Variants in DAO observed in about 807,000 individuals in gnomAD.
DAO encodes D-amino acid oxidase.
DAO carries 51 observed loss-of-function variants against 50.1 expected under a neutral mutation model. That is an observed-to-expected ratio of 1.02 (90% CI 0.81 to 1.29). DAO has a LOEUF of 1.29. DAO is among the 50% of genes most tolerant of loss of function. The pLI, the probability that DAO is intolerant of heterozygous loss-of-function variation, is 0.00. For missense variants in DAO, 436 were observed against 439.4 expected, an observed-to-expected ratio of 0.99 and a Z score of 0.07; for synonymous variants, 160 against 166.2, an observed-to-expected ratio of 0.96 and a Z score of 0.29.
At chr12:108,900,324 T>C in intron 10 of DAO, 80 bp from the exon 11 acceptor site, 1 of 1,569,750 alleles carries the variant, frequency 6.4e-7, no homozygotes, top group Non-Finnish European at 8.7e-7. Context: ...GGCTCCTGAG[T>C]CTTCCAGGGC....
intron 7 of DAO, among the ~76,000 whole-genome samples, 191 bp downstream of exon 7, chr12:108,894,558 C>T (rs1410998396): frequency 2.0e-5 from 3 of 152,082 alleles, no homozygotes; most frequent in East Asian, 1.9e-4. Flanking sequence ...TCCTCTTGAT[C>T]GTGAAGCATG....
intron 1 of DAO, among the ~76,000 whole-genome samples, chr12:108,884,701 T>G (rs1016659570): frequency 6.6e-6 from 1 of 152,058 alleles, no homozygotes; most frequent in Non-Finnish European, 1.5e-5. Context: ...CTGCTGGGTC[T>G]TTTCTATTCC....
intron 1 of DAO, among the ~76,000 whole-genome samples, chr12:108,881,774 T>A (rs889250812): frequency 2.6e-4 from 40 of 151,662 alleles, no homozygotes; most frequent in Admixed American, 5.3e-4. Flanking sequence ...CAAGCTAATT[T>A]TTTTGTATTT....
At chr12:108,895,870 A>T (rs971288659) in intron 7 of DAO, among the ~76,000 whole-genome samples, 2 of 151,830 alleles carry the variant, frequency 1.3e-5, no homozygotes, top group Non-Finnish European at 2.9e-5. Flanking sequence ...ATGTGGGCTG[A>T]TGGGTGTAAC....
chr12:108,899,779 A>G (rs1230395065), intron 10 of DAO: 1 of 447,038 alleles, frequency 2.2e-6, no homozygotes, highest in East Asian at 4.6e-5. Flanking sequence ...AAATGACACT[A>G]TCAAGTATGT....
intron 1 of DAO, among the ~76,000 whole-genome samples, chr12:108,881,857 C>T (rs1262766950): frequency 1.3e-5 from 2 of 152,020 alleles, no homozygotes; most frequent in East Asian, 1.9e-4. Flanking sequence ...CTGCCAGCCT[C>T]GACCTCCCAA....
At chr12:108,895,403 GTGTGTGTGCA>G (rs2039539492) in intron 7 of DAO, among the ~76,000 whole-genome samples, 1 of 150,126 alleles carries the variant, frequency 6.7e-6, no homozygotes, top group Non-Finnish European at 1.5e-5. Context: ...ATATGTGAGG[GTGTGTGTGCA>G]TGTGTGTGAG....
At position 108,895,068 on chromosome 12, in the gene DAO, C is replaced by T. The variant is rs557843088; in HGVS notation, c.612+701C>T. On this transcript the variant is annotated intron_variant, in intron 7 of 10. Transcript: ENST00000228476. ...CACAGCCCTTCGAGCTGGGTACTAC[C>T]ATATCGTTATTGTCATCTTACAGAT... Among the ~76,000 whole-genome samples the T allele has an allele frequency of 8.5e-4, 129 of 152,292 alleles. 4 individuals carry two copies. Among genetic ancestry groups the T allele is most frequent in the Middle Eastern group, 3.4e-3 (1 of 292 alleles).
chr12:108,893,210 G>T (rs537841924), intron 6 of DAO, among the ~76,000 whole-genome samples, 174 bp downstream of exon 6: 1 of 152,132 alleles, frequency 6.6e-6, no homozygotes, highest in Non-Finnish European at 1.5e-5. Context: ...CTGCCTTCAT[G>T]TTGGTAGTGG....
intron 8 of DAO, among the ~76,000 whole-genome samples, chr12:108,897,934 G>A (rs894830927): frequency 4.1e-5 from 6 of 147,728 alleles, no homozygotes; most frequent in Non-Finnish European, 8.9e-5. Flanking sequence ...GCCACAGAGC[G>A]AGACCCCATC....
chr12:108,892,189 G>A (rs1329405490), intron 5 of DAO, among the ~76,000 whole-genome samples: 1 of 122,292 alleles, frequency 8.2e-6, no homozygotes, highest in Non-Finnish European at 1.6e-5. Context: ...TTGAGACAGA[G>A]TCTTGCTCTG....
At chr12:108,897,155 TC>T in intron 8 of DAO, 67 bp downstream of exon 8, 1 of 1,051,056 alleles carries the variant, frequency 9.5e-7, no homozygotes, top group Non-Finnish European at 1.5e-6. Flanking sequence ...CCCTGCTGCC[TC>T]CCCCAAGCTC....
chr12:108,890,368 C>G, intron 5 of DAO, 95 bp downstream of exon 5: 1 of 968,828 alleles, frequency 1.0e-6, no homozygotes, highest in Non-Finnish European at 1.7e-6. Context: ...TGGACTAACC[C>G]CCAGGTTTGA....
intron 6 of DAO, 65 bp from the exon 7 acceptor site, chr12:108,894,198 G>T: frequency 8.2e-7 from 1 of 1,222,458 alleles, no homozygotes. Context: ...AAGGGGAAGA[G>T]AGAACAGGGA....
chr12:108,895,477 A>C (rs1169405776), intron 7 of DAO, among the ~76,000 whole-genome samples: 1 of 123,470 alleles, frequency 8.1e-6, no homozygotes, highest in Non-Finnish European at 1.6e-5. Context: ...GTGATTGTGC[A>C]TGTATGTGAG....
chr12:108,885,226 C>G (rs766136073), intron 2 of DAO, 26 bp downstream of exon 2: 1 of 1,606,154 alleles, frequency 6.2e-7, no homozygotes, highest in Non-Finnish European at 8.5e-7. Flanking sequence ...ATAGGGTAGC[C>G]TGGGGTGCCC....
intron 2 of DAO, among the ~76,000 whole-genome samples, chr12:108,886,097 G>A (rs1477055103): frequency 2.7e-5 from 4 of 148,900 alleles, no homozygotes; most frequent in African/African-American, 9.9e-5. Flanking sequence ...TATGTTGCCC[G>A]GGCTGGTCTT....
At chr12:108,885,837 C>G (rs2039431079) in intron 2 of DAO, among the ~76,000 whole-genome samples, 1 of 152,202 alleles carries the variant, frequency 6.6e-6, no homozygotes, top group Non-Finnish European at 1.5e-5. Context: ...TCACTGCATC[C>G]TCTGCCTCCC....
chr12:108,887,300 T>C, intron 2 of DAO, 150 bp from the exon 3 acceptor site: 1 of 751,428 alleles, frequency 1.3e-6, no homozygotes, highest in Non-Finnish European at 2.5e-6. Flanking sequence ...ACCCAAGGCA[T>C]TTGGGGAGTT....
Sources: gnomAD v4.1 joint callset for allele counts (sites outside exome capture counted in the v4.1 genomes callset) on GRCh38, gnomAD v4.1.1 for gene constraint, MANE v1.5 for transcripts, NCBI Gene and HGNC (gene_info 2026-07-23, HGNC 2026-07-21) for gene names.